Variants in ANKS1B observed in about 807,000 individuals in gnomAD.
ANKS1B encodes the protein ankyrin repeat and sterile alpha motif domain containing 1B.
ANKS1B carries 36 observed loss-of-function variants against 148.3 expected under a neutral mutation model. The ratio of observed to expected loss-of-function variants is 0.24; its 90% CI spans 0.19 to 0.32. ANKS1B has a LOEUF of 0.32. ANKS1B is among the 10% of genes least tolerant of loss of function. The pLI is 1.00. For missense variants in ANKS1B, 1,157 were observed against 1,542.6 expected (o/e 0.75, Z 4.19); for synonymous variants, 542 against 560.8 (o/e 0.97, Z 0.47).
At chr12:99,495,777 G>A (rs1227346389) in intron 10 of ANKS1B, among the ~76,000 whole-genome samples, 1 of 152,180 alleles carries the variant, frequency 6.6e-6, no homozygotes, top group Non-Finnish European at 1.5e-5. Context: ...CACTTGCTCA[G>A]CAGAGATAAA....
At chr12:99,881,644 A>G (rs534882046) in intron 1 of ANKS1B, among the ~76,000 whole-genome samples, 1 of 152,314 alleles carries the variant, frequency 6.6e-6, no homozygotes, top group South Asian at 2.1e-4. Context: ...GAAATGAATT[A>G]AACTACTGAC....
chr12:98,793,443 A>C (rs12321354), intron 22 of ANKS1B, among the ~76,000 whole-genome samples: 1 of 152,178 alleles, frequency 6.6e-6, no homozygotes, highest in Non-Finnish European at 1.5e-5. Flanking sequence ...AATTTTTTGG[A>C]TATGACTCCA....
intron 1 of ANKS1B, among the ~76,000 whole-genome samples, chr12:99,950,756 T>C (rs1229796799): frequency 6.6e-6 from 1 of 152,116 alleles, no homozygotes; most frequent in Non-Finnish European, 1.5e-5. Context: ...CTCCATCCTT[T>C]TTCTCTAATC....
At chr12:99,402,703 C>A (rs1446984901) in intron 11 of ANKS1B, among the ~76,000 whole-genome samples, 1 of 146,248 alleles carries the variant, frequency 6.8e-6, no homozygotes, top group Non-Finnish European at 1.5e-5. Flanking sequence ...ACCACATTTT[C>A]TTTATCCAGT....
intron 8 of ANKS1B, among the ~76,000 whole-genome samples, chr12:99,706,263 T>C (rs1228645883): frequency 6.6e-6 from 1 of 151,792 alleles, no homozygotes; most frequent in African/African-American, 2.4e-5. Context: ...TAAAGATAAA[T>C]ACCCAGATAA....
chr12:98,740,205 C>T (rs758577996), downstream of ANKS1B, among the ~76,000 whole-genome samples: 4 of 152,176 alleles, frequency 2.6e-5, no homozygotes, highest in Non-Finnish European at 5.9e-5. Flanking sequence ...AGCTGTGTGA[C>T]TTCAGCAAAT....
chr12:99,981,589 A>G (rs1284038168), intron 1 of ANKS1B, among the ~76,000 whole-genome samples: 1 of 152,150 alleles, frequency 6.6e-6, no homozygotes, highest in Non-Finnish European at 1.5e-5. Flanking sequence ...AATAAAACAG[A>G]TTCAATGAAT....
At position 98,745,719 on chromosome 12, in the gene ANKS1B, G is replaced by A. The variant is rs548825600; in HGVS notation, c.*20C>T. On this transcript the variant is annotated 3_prime_UTR_variant, in exon 27 of 27. Transcript: ENST00000683438. ...CCGCTTGGCGAGCAAGGCACCGCGA[G>A]GACAGGAGGACGGCGAGTATCAGAA... 6.5e-5 allele frequency: 104 copies of A among 1,612,138 alleles called. No homozygotes were observed. Among genetic ancestry groups the A allele is most frequent in the Non-Finnish European group, 8.7e-5 (103 of 1,179,018 alleles).
chr12:99,819,031 G>C (rs1296585510), intron 2 of ANKS1B, among the ~76,000 whole-genome samples: 1 of 151,774 alleles, frequency 6.6e-6, no homozygotes, highest in Non-Finnish European at 1.5e-5. Context: ...CTTGCTTGTT[G>C]ATTGAGTCCA....
intron 24 of ANKS1B, among the ~76,000 whole-genome samples, chr12:98,780,536 T>A (rs939178243): frequency 6.6e-6 from 1 of 152,236 alleles, no homozygotes; most frequent in African/African-American, 2.4e-5. Flanking sequence ...AGCCACAGCA[T>A]GGCCTGGGCT....
intron 17 of ANKS1B, among the ~76,000 whole-genome samples, chr12:98,934,079 A>AGAC (rs898130397): frequency 6.6e-6 from 1 of 152,150 alleles, no homozygotes; most frequent in Admixed American, 6.6e-5. Context: ...ATCATGGCCA[A>AGAC]GACGACTGTC....
At chr12:99,194,859 G>A (rs2081203848) in intron 14 of ANKS1B, among the ~76,000 whole-genome samples, 1 of 152,120 alleles carries the variant, frequency 6.6e-6, no homozygotes, top group South Asian at 2.1e-4. Flanking sequence ...TGAATGCTTG[G>A]TATAGAAGGA....
At chr12:99,083,228 AG>A (rs1202543976) in intron 16 of ANKS1B, among the ~76,000 whole-genome samples, 3 of 152,192 alleles carry the variant, frequency 2.0e-5, no homozygotes, top group Non-Finnish European at 4.4e-5. Context: ...TTTCCCACTT[AG>A]GGAGGGAGAA....
At position 99,634,183 on chromosome 12, in the gene ANKS1B, A is replaced by G. The variant is rs186169788; in HGVS notation, c.1272+20884T>C. 3.6e-4 allele frequency among the ~76,000 whole-genome samples: 55 copies of G among 152,340 alleles called. 1 individual carries two copies. The highest frequency in any genetic ancestry group is 3.4e-3 in the Middle Eastern group (1 of 294). On this transcript the variant is annotated intron_variant, in intron 9 of 26. Transcript: ENST00000683438. ...AGAGGCATTTAAGAGGTGTTGGGTCATGAGAACAGAGCCCTCATGAATGGA... is the reference window on the plus strand; with the variant it reads ...AGAGGCATTTAAGAGGTGTTGGGTCGTGAGAACAGAGCCCTCATGAATGGA...
intron 19 of ANKS1B, among the ~76,000 whole-genome samples, chr12:98,823,567 GCAACCTCTGCCTC>G (rs2099219431): frequency 6.6e-6 from 1 of 152,200 alleles, no homozygotes; most frequent in Admixed American, 6.5e-5. Context: ...TCAGCTCACT[GCAACCTCTGCCTC>G]CAGGGTTCAA....
chr12:99,961,233 AAAAC>A (rs1044763036), intron 1 of ANKS1B, among the ~76,000 whole-genome samples: 34 of 25,918 alleles, frequency 1.3e-3, no homozygotes, highest in African/African-American at 4.6e-3. Context: ...CCTCTCAAAA[AAAAC>A]AAAACAAAAC....
intron 12 of ANKS1B, among the ~76,000 whole-genome samples, chr12:99,317,692 C>T (rs924277230): frequency 3.3e-5 from 5 of 152,166 alleles, no homozygotes; most frequent in African/African-American, 1.2e-4. Context: ...CCAGAACTTC[C>T]AACACTATGT....
In ANKS1B at chr12:99,718,064, C is replaced by A. The variant is rs547242756; in HGVS notation, c.1128+54858G>T. On this transcript the variant is annotated intron_variant, in intron 8 of 26. Transcript: ENST00000683438. ...GACTACAGGCGCCCGCTACCACGCC[C>A]GGCTAATTTTTTGTATTTTTAGTAG... 9.2e-5 allele frequency among the ~76,000 whole-genome samples: 14 copies of A among 151,586 alleles called. No individual in the cohort carries two copies. The South Asian group carries it at 1.5e-3, about 16-fold the overall frequency.
chr12:99,380,947 G>A (rs1423019615), intron 12 of ANKS1B, among the ~76,000 whole-genome samples: 2 of 152,110 alleles, frequency 1.3e-5, no homozygotes, highest in East Asian at 1.9e-4. Context: ...ATTAACAAAG[G>A]TGGGCCCCGA....
Sources: gnomAD v4.1 joint callset for allele counts (sites outside exome capture counted in the v4.1 genomes callset) on GRCh38, gnomAD v4.1.1 for gene constraint, MANE v1.5 for transcripts, NCBI Gene and HGNC (gene_info 2026-07-23, HGNC 2026-07-21) for gene names.